KIF15: variants seen among roughly 807,000 people sequenced by gnomAD.
KIF15 encodes the protein kinesin family member 15.
In KIF15, 140 loss-of-function variants were observed where a neutral mutation model predicts 190.6. That is an observed-to-expected ratio of 0.73 (90% CI 0.64 to 0.84). The LOEUF (loss-of-function observed/expected upper bound fraction) is 0.84, where lower values mean the gene tolerates loss of function less well. KIF15 is among the 40% of genes least tolerant of loss of function. The probability of loss-of-function intolerance (pLI) is 0.00; values close to 1 mark genes in which losing one functional copy is unlikely to be tolerated. For synonymous variants in KIF15, 528 were observed against 551.3 expected, an observed-to-expected ratio of 0.96 and a Z score of 0.59; for missense variants, 1,372 against 1,584.4, an observed-to-expected ratio of 0.87 and a Z score of 2.28.
chr3:44,854,728 G>A (rs1249692736), downstream of KIF15, among the ~76,000 whole-genome samples: 1 of 152,176 alleles, frequency 6.6e-6, no homozygotes, highest in African/African-American at 2.4e-5. Context: ...AAATCAAGGT[G>A]TGAGTAGGGC....
rs750351539 is a variant in KIF15 at position 44,827,532 on chromosome 3, A to C, written c.2856+4A>C. 4 of 1,594,914 alleles carry C rather than the reference A, an allele frequency of 2.5e-6. No individual in the cohort carries two copies. Among genetic ancestry groups the C allele is most frequent in the Non-Finnish European group, 3.4e-6 (4 of 1,162,880 alleles). ...GACGGCCAAGTGTGAGCAGCAGGTA[A>C]AATTCCTGTTACTCTAACTCTAGTA... is the stretch of plus-strand genomic sequence containing the variant. On this transcript the variant is annotated splice_donor_region_variant and intron_variant, in intron 23 of 34. Transcript: ENST00000326047.
chr3:44,820,038 G>T (rs1197955818), intron 20 of KIF15, among the ~76,000 whole-genome samples: 1 of 152,166 alleles, frequency 6.6e-6, no homozygotes, highest in Non-Finnish European at 1.5e-5. Context: ...TTGGTTTAAA[G>T]TCTGTTTTAT....
At chr3:44,785,824 G>A (rs556556898) in intron 6 of KIF15, among the ~76,000 whole-genome samples, 1 of 152,272 alleles carries the variant, frequency 6.6e-6, no homozygotes, top group East Asian at 1.9e-4. Context: ...CAACTGGACT[G>A]CTCAATTCTC....
chr3:44,782,350 C>T (rs1706211341), intron 5 of KIF15, among the ~76,000 whole-genome samples: 1 of 152,252 alleles, frequency 6.6e-6, no homozygotes, highest in African/African-American at 2.4e-5. Flanking sequence ...GCAGAAGCCA[C>T]TGCACCTGGC....
At chr3:44,837,762 T>A (rs1455648029) in intron 26 of KIF15, among the ~76,000 whole-genome samples, 1 of 152,220 alleles carries the variant, frequency 6.6e-6, no homozygotes, top group Non-Finnish European at 1.5e-5. Flanking sequence ...ATAGGACTTC[T>A]AATTTTCTGT....
intron 5 of KIF15, among the ~76,000 whole-genome samples, chr3:44,784,362 A>G (rs775525910): frequency 2.0e-5 from 3 of 151,632 alleles, no homozygotes; most frequent in Non-Finnish European, 2.9e-5. Context: ...ATTTTTAGTA[A>G]CGATGGGATT....
At chr3:44,825,733 A>G (rs1214302694) in intron 20 of KIF15, among the ~76,000 whole-genome samples, 2 of 152,204 alleles carry the variant, frequency 1.3e-5, no homozygotes, top group African/African-American at 4.8e-5. Context: ...TCTAATCACT[A>G]TAAATTGCTC....
chr3:44,838,525 T>C (rs1698435927), intron 27 of KIF15, 104 bp downstream of exon 27: 1 of 1,164,072 alleles, frequency 8.6e-7, no homozygotes, highest in Non-Finnish European at 1.2e-6. Flanking sequence ...GGTGGACCAC[T>C]TGAAGTCAGG....
At chr3:44,860,760 A>G (rs1488274508) in intron 6 of KIF15, among the ~76,000 whole-genome samples, 1 of 152,188 alleles carries the variant, frequency 6.6e-6, no homozygotes, top group Non-Finnish European at 1.5e-5. Flanking sequence ...TGCTAAACAG[A>G]AGATACAAAA....
intron 1 of KIF15, among the ~76,000 whole-genome samples, chr3:44,767,528 T>C (rs1705447065): frequency 6.6e-6 from 1 of 152,180 alleles, no homozygotes; most frequent in South Asian, 2.1e-4. Flanking sequence ...GAGCTCAATT[T>C]TGGACACATT....
intron 18 of KIF15, 111 bp downstream of exon 18, chr3:44,812,400 CAG>C: frequency 1.4e-6 from 1 of 732,564 alleles, no homozygotes; most frequent in South Asian, 1.8e-5. Context: ...GAAACATATT[CAG>C]AGAGTATCAC....
At chr3:44,859,555 G>C (rs1699218753) in intron 6 of KIF15, among the ~76,000 whole-genome samples, 1 of 152,178 alleles carries the variant, frequency 6.6e-6, no homozygotes. Context: ...TGCTACTCAG[G>C]AAGCTGAAGT....
chr3:44,831,824 A>T (rs1392592077), intron 26 of KIF15, among the ~76,000 whole-genome samples: 1 of 152,154 alleles, frequency 6.6e-6, no homozygotes, highest in East Asian at 1.9e-4. Context: ...GCAATCCTAT[A>T]TACTTTTAGC....
At position 44,781,463 on chromosome 3, in the gene KIF15, CTACTGTTGA is replaced by C. The variant is rs1470144093; in HGVS notation, c.361+544_361+552del. ...ATGAATATACTACACATTTTCCAGT[CTACTGTTGA>C]TAGACATTTGGATTATTTCAACTTT... On this transcript the variant is annotated intron_variant, in intron 5 of 34. Transcript: ENST00000326047. Among the ~76,000 whole-genome samples the C allele has an allele frequency of 2.6e-5, 4 of 152,278 alleles. No individual in the cohort carries two copies. In the East Asian group the frequency reaches 7.7e-4, roughly 29 times the overall value.
intron 6 of KIF15, chr3:44,864,220 A>G (rs779479684): frequency 1.2e-6 from 2 of 1,614,130 alleles, no homozygotes; most frequent in African/African-American, 1.3e-5. Context: ...TATGCGTCTT[A>G]GGCATTATTG....
At chr3:44,819,347 T>G (rs1708161547) in intron 20 of KIF15, among the ~76,000 whole-genome samples, 1 of 152,214 alleles carries the variant, frequency 6.6e-6, no homozygotes, top group African/African-American at 2.4e-5. Flanking sequence ...AGGGTGTCGA[T>G]TTTAGATCTT....
rs1055809869 is a variant in KIF15, at chr3:44,832,741, G to A, written c.3171+1723G>A. 3.7e-4 allele frequency among the ~76,000 whole-genome samples: 56 copies of A among 152,258 alleles called. 1 individual carries two copies. Among genetic ancestry groups the A allele is most frequent in the Middle Eastern group, 3.4e-3 (1 of 294 alleles). ...GATATAAGATTAAAATAGGCTGGAC[G>A]TGGTAGCTCACACCTGTAATCCCAG... On this transcript the variant is annotated intron_variant, in intron 26 of 34. Coordinates refer to ENST00000326047, the MANE Select transcript of KIF15 (RefSeq NM_020242.3).
At chr3:44,825,686 CT>C (rs1256069551) in intron 20 of KIF15, among the ~76,000 whole-genome samples, 1 of 152,200 alleles carries the variant, frequency 6.6e-6, no homozygotes, top group Non-Finnish European at 1.5e-5. Flanking sequence ...CAGTGCCTGG[CT>C]TACGTGAGCA....
chr3:44,863,310 C>T (rs998010828), intron 6 of KIF15: 1 of 117,436 alleles, frequency 8.5e-6, no homozygotes, highest in Non-Finnish European at 2.0e-5. Context: ...ACCCCCCCCC[C>T]CCGCCGCCTT....
Sources: gnomAD v4.1 joint callset for allele counts (sites outside exome capture counted in the v4.1 genomes callset) on GRCh38, gnomAD v4.1.1 for gene constraint, MANE v1.5 for transcripts, NCBI Gene and HGNC (gene_info 2026-07-23, HGNC 2026-07-21) for gene names.